Variants in CCDC66 observed in about 807,000 individuals in gnomAD.
CCDC66 encodes the protein coiled-coil domain-containing protein 66.
CCDC66 carries 133 observed loss-of-function variants against 128.3 expected under a neutral mutation model. The observed-to-expected ratio is 1.04, with a 90% CI of 0.90 to 1.20. The LOEUF (loss-of-function observed/expected upper bound fraction) is 1.20, where lower values mean the gene tolerates loss of function less well. CCDC66 is among the 50% of genes most tolerant of loss of function. The pLI is 0.00. For synonymous variants in CCDC66, 387 were observed against 357.0 expected (o/e 1.08, Z -0.95); for missense variants, 1,126 against 1,075.5 (o/e 1.05, Z -0.66).
intron 7 of CCDC66, among the ~76,000 whole-genome samples, chr3:56,576,468 A>G (rs1038706134): frequency 2.0e-5 from 3 of 151,320 alleles, no homozygotes; most frequent in African/African-American, 7.3e-5. Flanking sequence ...CAGGTTTGTT[A>G]CATATGTATA....
intron 9 of CCDC66, 72 bp from the exon 10 acceptor site, chr3:56,593,872 A>G: frequency 6.3e-7 from 1 of 1,590,182 alleles, no homozygotes; most frequent in Non-Finnish European, 8.6e-7. Flanking sequence ...GATTTATCCC[A>G]AACAAAAATG....
intron 12 of CCDC66, chr3:56,615,545 A>AT (rs1203705859): frequency 4.4e-5 from 16 of 362,250 alleles, no homozygotes; most frequent in African/African-American, 3.2e-4. Flanking sequence ...AGCCTAAATG[A>AT]TTGCCTATTT....
At chr3:56,618,318 T>C (rs1468488401) in intron 15 of CCDC66, 106 bp downstream of exon 15, 14 of 1,018,098 alleles carry the variant, frequency 1.4e-5, no homozygotes, top group Non-Finnish European at 2.1e-5. Context: ...TAGAGAACAA[T>C]CAGAAAGGGT....
intron 16 of CCDC66, 97 bp from the exon 17 acceptor site, chr3:56,619,680 A>ATACT: frequency 1.3e-6 from 2 of 1,503,874 alleles, no homozygotes; most frequent in Non-Finnish European, 1.8e-6. Context: ...CCTAGGATAC[A>ATACT]TACTTATTAT....
At chr3:56,580,339 C>G (rs1227575993) in intron 7 of CCDC66, among the ~76,000 whole-genome samples, 1 of 150,916 alleles carries the variant, frequency 6.6e-6, no homozygotes, top group East Asian at 2.1e-4. Context: ...ATACAGCACA[C>G]TGATGGGTCT....
rs150544546 is a variant in CCDC66 at position 56,593,658 on chromosome 3, C to T, written c.1236C>T (p.Thr412=). ...ADVSSVCTPT[T]GSQVEPSEEE... is the part of the protein sequence containing the mutation. ...TCAGCAGTGTTTGTACACCTACAAC[C>T]GGAAGCCAGGTTGAACCTTCAGAGG... Residue 412 remains threonine (T), a synonymous_variant, in exon 9 of 18, where the codon ACC becomes ACT. Transcript: ENST00000394672. The T allele has an allele frequency of 3.6e-4, 586 of 1,614,126 alleles. 1 individual carries two copies. The African/African-American group carries it at 6.8e-3, about 19-fold the overall frequency.
At chr3:56,610,276 GA>G (rs2074611130) in intron 10 of CCDC66, among the ~76,000 whole-genome samples, 1 of 152,078 alleles carries the variant, frequency 6.6e-6, no homozygotes, top group Admixed American at 6.5e-5. Flanking sequence ...CTATTGCTGA[GA>G]CTTTCCAGAG....
rs920466942 is a variant in CCDC66, at chr3:56,576,405, AT to A, written c.936+5114del. Among the ~76,000 whole-genome samples, 247 of 147,050 alleles carry A rather than the reference AT, an allele frequency of 1.7e-3. 3 individuals are homozygous for A. Among genetic ancestry groups the A allele is most frequent in the Middle Eastern group, 7.1e-3 (2 of 282 alleles). ...AAAATTTTATGCCATTGTACATGGAATTTTTTTTTTTATTATTATACTTTAA... is the reference window on the plus strand; with the variant it reads ...AAAATTTTATGCCATTGTACATGGAATTTTTTTTTTATTATTATACTTTAA... On this transcript the variant is annotated intron_variant, in intron 7 of 17. Transcript: ENST00000394672.
intron 10 of CCDC66, among the ~76,000 whole-genome samples, chr3:56,604,444 C>T (rs988432746): frequency 4.6e-5 from 7 of 152,006 alleles, no homozygotes; most frequent in Non-Finnish European, 7.3e-5. Flanking sequence ...TTAGTGCTTC[C>T]TTCAGGACCT....
At position 56,598,580 on chromosome 3, in the gene CCDC66, G is replaced by A. The variant is rs2072559971; in HGVS notation, c.1404+4552G>A. On this transcript the variant is annotated intron_variant, in intron 10 of 17. Transcript: ENST00000394672. Reference sequence around the variant, plus strand: ...CATATATAGTCTTTATTATTTTAAGGTATATACCTTCTGTGCCTAGTTTGT... The same window carrying A: ...CATATATAGTCTTTATTATTTTAAGATATATACCTTCTGTGCCTAGTTTGT... Among the ~76,000 whole-genome samples the A allele has an allele frequency of 1.3e-5, 2 of 151,754 alleles. 1 individual carries two copies. Among genetic ancestry groups the A allele is most frequent in the South Asian group, 4.2e-4 (2 of 4,806 alleles).
chr3:56,602,216 A>G (rs1378083050), intron 10 of CCDC66, among the ~76,000 whole-genome samples: 3 of 152,050 alleles, frequency 2.0e-5, no homozygotes, highest in Non-Finnish European at 2.9e-5. Context: ...TTGTGCAACT[A>G]TTGAGATAAT....
intron 15 of CCDC66, 102 bp from the exon 16 acceptor site, chr3:56,619,169 G>A: frequency 1.0e-6 from 1 of 997,276 alleles, no homozygotes; most frequent in Non-Finnish European, 1.4e-6. Flanking sequence ...ACTCCAGCCT[G>A]GGCAACAGAG....
intron 10 of CCDC66, among the ~76,000 whole-genome samples, chr3:56,602,381 G>A (rs755597548): frequency 4.6e-5 from 7 of 152,094 alleles, no homozygotes; most frequent in Admixed American, 3.9e-4. Flanking sequence ...ACAGTATTTT[G>A]TTGAGGATTT....
Position 56,617,401 on chromosome 3 carries a change from G to T in CCDC66, c.2133G>T (p.Arg711Ser), listed in dbSNP as rs777014907. The T allele has an allele frequency of 6.2e-7, 1 of 1,613,872 alleles. No individual in the cohort carries two copies. The highest frequency in any genetic ancestry group is 1.3e-5 in the African/African-American group (1 of 74,980). Residue 711 changes from arginine (R) to serine (S), a missense_variant, in exon 14 of 18, where the codon AGG (arginine) becomes AGT (serine). Transcript: ENST00000394672. Reference sequence around the variant, plus strand: ...GGAATATAAATAAGCCACCTAAAAGGTATATTCCAGCATCAGAAAAGTACC... The same window carrying T: ...GGAATATAAATAAGCCACCTAAAAGTTATATTCCAGCATCAGAAAAGTACC... ...PDWNINKPPK[R>S]YIPASEKYPK...
chr3:56,576,765 A>G (rs2067448186), intron 7 of CCDC66, among the ~76,000 whole-genome samples: 1 of 151,646 alleles, frequency 6.6e-6, no homozygotes, highest in African/African-American at 2.4e-5. Context: ...AGAGTATTGC[A>G]TGGTGTATAT....
chr3:56,607,320 A>T (rs2074213471), intron 10 of CCDC66, among the ~76,000 whole-genome samples: 1 of 152,124 alleles, frequency 6.6e-6, no homozygotes, highest in Non-Finnish European at 1.5e-5. Flanking sequence ...GATTTCTTTC[A>T]GCAGCGTTTT....
At chr3:56,616,920 A>ATT (rs2107391624) in intron 13 of CCDC66, 192 bp from the exon 14 acceptor site, 2 of 454,746 alleles carry the variant, frequency 4.4e-6, no homozygotes, top group South Asian at 1.0e-4. Flanking sequence ...AGAAATGGAA[A>ATT]TTAGAGTGGT....
At chr3:56,573,261 T>TA (rs775538143) in intron 7 of CCDC66, among the ~76,000 whole-genome samples, 17 of 152,236 alleles carry the variant, frequency 1.1e-4, no homozygotes, top group Non-Finnish European at 2.2e-4. Flanking sequence ...TTTGTATATA[T>TA]TTTTTAATGA....
At chr3:56,577,788 T>G (rs1011842670) in intron 7 of CCDC66, among the ~76,000 whole-genome samples, 5 of 151,904 alleles carry the variant, frequency 3.3e-5, no homozygotes, top group Non-Finnish European at 7.4e-5. Context: ...ATATCTGTTT[T>G]GGTACCAGTA....
Sources: allele counts gnomAD v4.1 joint callset (sites outside exome capture counted in the v4.1 genomes callset), GRCh38; gene constraint gnomAD v4.1.1; transcripts MANE v1.5; gene names NCBI Gene and HGNC (gene_info 2026-07-23, HGNC 2026-07-21).